Variants in RESF1 observed in about 807,000 individuals in gnomAD.
RESF1 encodes the protein gonad expressed transcript.
RESF1 carries 65 observed loss-of-function variants against 134.7 expected under a neutral mutation model. The ratio of observed to expected loss-of-function variants is 0.48; its 90% CI spans 0.40 to 0.59. The LOEUF (loss-of-function observed/expected upper bound fraction) is 0.59, where lower values mean the gene tolerates loss of function less well. RESF1 is among the 20% of genes least tolerant of loss of function. The pLI, the probability that RESF1 is intolerant of heterozygous loss-of-function variation, is 0.00. For missense variants in RESF1, 2,274 were observed against 2,002.7 expected (o/e 1.14, Z -2.59); for synonymous variants, 762 against 702.2 (o/e 1.09, Z -1.35).
chr12:31,984,667 C>G lies in RESF1; in HGVS notation c.3712C>G (p.Pro1238Ala). The stretch of plus-strand genomic sequence containing the variant: ...TCAATTTAAGAGCCTTGTAAATAAT[C>G]CAAAGACTCCTCCAGATGGGAAAAG... ...VVQFKSLVNNPKTPPDGKSHF... is the reference protein window; with the variant it reads ...VVQFKSLVNNAKTPPDGKSHF... Residue 1238 changes from proline (P) to alanine (A), a missense_variant, in exon 4 of 6, where the codon CCA (proline) becomes GCA (alanine). By Grantham distance (27) the Pro-to-Ala change is conservative (BLOSUM62 -1). Transcript: ENST00000312561. The G allele has an allele frequency of 6.3e-7, 1 of 1,582,682 alleles. No homozygotes were observed. The highest frequency in any genetic ancestry group is 8.5e-7 in the Non-Finnish European group (1 of 1,171,442).
Position 31,982,988 on chromosome 12 carries a change from C to G in RESF1, c.2033C>G (p.Ser678Cys), listed in dbSNP as rs1939845033. The change falls in exon 4 of 6, where the codon TCC becomes TGC. Residue 678 changes from serine (S) to cysteine (C), a missense_variant. Transcript: ENST00000312561. Reference protein sequence around the residue: ...CSMEVLATCLSLWKKQPSDTA... With the variant: ...CSMEVLATCLCLWKKQPSDTA... ...ATGGAAGTGCTAGCAACCTGTCTTT[C>G]CCTGTGGAAAAAGCAACCTTCAGAT... The G allele has an allele frequency of 6.2e-7, 1 of 1,613,964 alleles. No homozygotes were observed. The highest frequency in any genetic ancestry group is 1.1e-5 in the South Asian group (1 of 91,084).
chr12:31,961,226 A>G (rs1007961031), intron 2 of RESF1, among the ~76,000 whole-genome samples: 4 of 152,314 alleles, frequency 2.6e-5, no homozygotes, highest in African/African-American at 9.6e-5. Flanking sequence ...AATGTGGCGC[A>G]GAGCACCACT....
intron 3 of RESF1, among the ~76,000 whole-genome samples, chr12:31,972,682 A>T (rs912269862): frequency 2.1e-4 from 32 of 151,618 alleles, no homozygotes; most frequent in African/African-American, 7.0e-4. Flanking sequence ...CACTATCTTC[A>T]TATAGATAGT....
intron 2 of RESF1, among the ~76,000 whole-genome samples, chr12:31,966,575 C>T (rs1939400948): frequency 6.6e-6 from 1 of 152,190 alleles, no homozygotes; most frequent in African/African-American, 2.4e-5. Context: ...TCATGCTGTA[C>T]CTGTGTTAAC....
chr12:31,959,956 G>C (rs866332575), intron 1 of RESF1: 1 of 148,638 alleles, frequency 6.7e-6, no homozygotes, highest in Non-Finnish European at 1.5e-5. Context: ...GAGTGAAAAA[G>C]AAAAATCTTT....
In RESF1 at chr12:31,982,812, T is replaced by C; in HGVS notation, c.1857T>C (p.Asn619=). ...SKPDSCEMNP[N]TQMTGNQLNL... Reference sequence around the variant, plus strand: ...CAGACAGTTGTGAAATGAATCCAAATACCCAAATGACTGGTAACCAACTGA... The same window carrying C: ...CAGACAGTTGTGAAATGAATCCAAACACCCAAATGACTGGTAACCAACTGA... Residue 619 remains asparagine, a synonymous_variant, in exon 4 of 6, where the codon AAT becomes AAC. Coordinates refer to ENST00000312561, the MANE Select transcript of RESF1 (RefSeq NM_018169.4). 1.2e-6 allele frequency: 2 copies of C among 1,614,144 alleles called. No homozygotes were observed. Among genetic ancestry groups the C allele is most frequent in the Non-Finnish European group, 1.7e-6 (2 of 1,179,996 alleles).
In RESF1 at chr12:31,983,106, T is replaced by C; in HGVS notation, c.2151T>C (p.Cys717=). ...KPANIHVKSP[C]SVVGNSNSQN... ...CTAACATCCACGTTAAGAGTCCTTG[T>C]TCAGTTGTGGGAAATTCAAATTCTC... Residue 717 remains cysteine (C), a synonymous_variant, in exon 4 of 6, where the codon TGT becomes TGC. Coordinates refer to ENST00000312561, the MANE Select transcript of RESF1 (RefSeq NM_018169.4). 2 of 1,612,314 alleles carry C rather than the reference T, an allele frequency of 1.2e-6. No homozygotes were observed. Among genetic ancestry groups the C allele is most frequent in the Non-Finnish European group, 1.7e-6 (2 of 1,179,452 alleles).
chr12:31,986,457 A>C (rs1939973295), intron 4 of RESF1, among the ~76,000 whole-genome samples: 1 of 152,220 alleles, frequency 6.6e-6, no homozygotes, highest in African/African-American at 2.4e-5. Context: ...CCTCTTTGAA[A>C]CAGTTGATGG....
In RESF1 at chr12:31,985,611, G is replaced by A. The variant is rs769183053; in HGVS notation, c.4656G>A (p.Lys1552=). 7.5e-6 allele frequency: 12 copies of A among 1,606,250 alleles called. No individual in the cohort carries two copies. In the South Asian group the frequency reaches 1.4e-4, roughly 18 times the overall value. Residue 1552 remains lysine, a synonymous_variant, in exon 4 of 6, where the codon AAG becomes AAA. Coordinates refer to ENST00000312561, the MANE Select transcript of RESF1 (RefSeq NM_018169.4). ...GKQPDKIWID[K]TKLDKLTNIS... is the part of the protein sequence containing the mutation. The stretch of plus-strand genomic sequence containing the variant: ...AGCCTGATAAAATATGGATTGATAA[G>A]ACTAAATTAGACAAATTAACCAATA...
chr12:31,967,227 A>G (rs1243396683), intron 2 of RESF1, among the ~76,000 whole-genome samples: 2 of 152,136 alleles, frequency 1.3e-5, no homozygotes, highest in Non-Finnish European at 2.9e-5. Flanking sequence ...ATATGAATCC[A>G]TTTGGCCTTT....
At chr12:31,967,354 G>A (rs951314963) in intron 2 of RESF1, among the ~76,000 whole-genome samples, 1 of 152,196 alleles carries the variant, frequency 6.6e-6, no homozygotes, top group Non-Finnish European at 1.5e-5. Flanking sequence ...TGAGATAAAA[G>A]TATATGAAGC....
intron 5 of RESF1, among the ~76,000 whole-genome samples, chr12:31,989,626 C>T (rs113073931): frequency 6.6e-6 from 1 of 152,066 alleles, no homozygotes; most frequent in African/African-American, 2.4e-5. Context: ...CCGAGGCAGG[C>T]AGATCGCCTG....
At chr12:31,980,735 C>A in intron 3 of RESF1, 143 bp from the exon 4 acceptor site, 1 of 446,890 alleles carries the variant, frequency 2.2e-6, no homozygotes, top group Non-Finnish European at 3.9e-6. Context: ...TTGTTGTATC[C>A]TCTATTGCTC....
chr12:31,966,799 T>C (rs929720487), intron 2 of RESF1, among the ~76,000 whole-genome samples: 2 of 152,150 alleles, frequency 1.3e-5, no homozygotes, highest in Admixed American at 1.3e-4. Flanking sequence ...CAAAGTACAA[T>C]GGATTAGGAT....
chr12:31,982,844 A>C lies in RESF1; in HGVS notation c.1889A>C (p.Lys630Thr), dbSNP rs755878699. 1.6e-5 allele frequency: 26 copies of C among 1,614,088 alleles called. No homozygotes were observed. The South Asian group carries it at 2.7e-4, about 17-fold the overall frequency. The change falls in exon 4 of 6, where the codon AAG (lysine) becomes ACG (threonine). Residue 630 changes from lysine to threonine, a missense_variant. By Grantham distance (78) the Lys-to-Thr change is moderately conservative. Coordinates refer to ENST00000312561, the MANE Select transcript of RESF1 (RefSeq NM_018169.4). Reference sequence around the variant, plus strand: ...ATGACTGGTAACCAACTGAATTTGAAGAACATGGAAACTCCAAGTACTTCT... The same window carrying C: ...ATGACTGGTAACCAACTGAATTTGACGAACATGGAAACTCCAAGTACTTCT... ...TQMTGNQLNL[K>T]NMETPSTSNV...
At chr12:31,968,719 A>G (rs1939450270) in intron 2 of RESF1, among the ~76,000 whole-genome samples, 1 of 152,148 alleles carries the variant, frequency 6.6e-6, no homozygotes, top group Non-Finnish European at 1.5e-5. Flanking sequence ...AAGTGCTGGG[A>G]TTACAGGCGT....
rs1199968283 is a variant in RESF1 at position 31,985,241 on chromosome 12, A to G, written c.4286A>G (p.Lys1429Arg). Residue 1429 changes from lysine to arginine, a missense_variant, in exon 4 of 6, where the codon AAG (lysine) becomes AGG (arginine). By Grantham distance (26) the Lys-to-Arg change is conservative (BLOSUM62 2). Transcript: ENST00000312561. The part of the protein sequence containing the change: ...IVKEKMVSNT[K>R]SVDTKASSSK... ...AAAGAAAAGATGGTATCAAATACTA[A>G]GTCTGTAGACACGAAAGCGAGTTCA... The G allele has an allele frequency of 3.7e-6, 6 of 1,605,344 alleles. No individual in the cohort carries two copies. In the Admixed American group the frequency reaches 1.0e-4, roughly 28 times the overall value.
intron 3 of RESF1, among the ~76,000 whole-genome samples, chr12:31,978,260 G>A (rs2120826209): frequency 6.6e-6 from 1 of 151,896 alleles, no homozygotes; most frequent in Middle Eastern, 3.4e-3. Flanking sequence ...TAATATTCTT[G>A]CATTTTGACC....
Position 31,984,100 on chromosome 12 carries a change from T to C in RESF1, c.3145T>C (p.Leu1049=). 6.2e-7 allele frequency: 1 copy of C among 1,613,970 alleles called. No individual in the cohort carries two copies. Among genetic ancestry groups the C allele is most frequent in the Non-Finnish European group, 8.5e-7 (1 of 1,179,988 alleles). ...NEIHSDKAPV[L]YLHDQLSELL... ...AATCCACAGTGATAAGGCACCTGTCTTATACCTACATGACCAGCTGTCAGA... is the reference window on the plus strand; with the variant it reads ...AATCCACAGTGATAAGGCACCTGTCCTATACCTACATGACCAGCTGTCAGA... The change falls in exon 4 of 6, where the codon TTA becomes CTA. Residue 1049 remains leucine, a synonymous_variant. Coordinates refer to ENST00000312561, the MANE Select transcript of RESF1 (RefSeq NM_018169.4).
Sources: allele counts gnomAD v4.1 joint callset (sites outside exome capture counted in the v4.1 genomes callset), GRCh38; gene constraint gnomAD v4.1.1; transcripts MANE v1.5; gene names NCBI Gene and HGNC (gene_info 2026-07-23, HGNC 2026-07-21).